Variants in SLC5A6 observed in about 807,000 individuals in gnomAD.
SLC5A6 encodes the protein solute carrier family 5 member 6.
SLC5A6 carries 31 observed loss-of-function variants against 67.9 expected under a neutral mutation model. The ratio of observed to expected loss-of-function variants is 0.46; its 90% CI spans 0.34 to 0.62. The LOEUF (loss-of-function observed/expected upper bound fraction) is 0.62. Ranked by LOEUF, SLC5A6 falls within the 20% of genes least tolerant of loss-of-function variation. SLC5A6 has a pLI of 0.01. For missense variants in SLC5A6, 673 were observed against 812.8 expected (o/e 0.83, Z 2.09); for synonymous variants, 343 against 331.0 (o/e 1.04, Z -0.39).
intron 2 of SLC5A6, among the ~76,000 whole-genome samples, chr2:27,209,007 C>T (rs1405674440): frequency 6.6e-6 from 1 of 152,198 alleles, no homozygotes; most frequent in East Asian, 1.9e-4. Context: ...CAAGAATACA[C>T]CACAATCCTC....
At chr2:27,210,593 G>A (rs898841370) in intron 2 of SLC5A6, among the ~76,000 whole-genome samples, 1 of 150,988 alleles carries the variant, frequency 6.6e-6, no homozygotes, top group Non-Finnish European at 1.5e-5. Flanking sequence ...ACCGCGCCCA[G>A]CTAATTTTTT....
intron 10 of SLC5A6, 48 bp from the exon 11 acceptor site, chr2:27,203,393 G>A (rs371761669): frequency 1.8e-4 from 279 of 1,521,954 alleles, no homozygotes; most frequent in Non-Finnish European, 2.3e-4. Flanking sequence ...AAAATTGTCA[G>A]CTCTATGGGA....
chr2:27,212,301 C>T, upstream of SLC5A6: 1 of 1,550,600 alleles, frequency 6.4e-7, no homozygotes, highest in South Asian at 1.2e-5. Flanking sequence ...GGAAGAGGGC[C>T]TGACGCGCTG....
At chr2:27,205,624 C>A in intron 6 of SLC5A6, 120 bp from the exon 7 acceptor site, 1 of 1,245,368 alleles carries the variant, frequency 8.0e-7, no homozygotes, top group Non-Finnish European at 1.2e-6. Flanking sequence ...CTTTTTGCAG[C>A]CTGAAGCCAG....
Position 27,204,611 on chromosome 2 carries a change from A to G in SLC5A6, c.876-21T>C, listed in dbSNP as rs552669421. ...AGGAGCTGCAAAAGAGGTCAGTGCC[A>G]GGAGGAGAGCCGGCGTTAACAGACA... On this transcript the variant is annotated intron_variant, in intron 8 of 16. Transcript: ENST00000310574. 3 of 1,613,310 alleles carry G rather than the reference A, an allele frequency of 1.9e-6. No homozygotes were observed. In the South Asian group the frequency reaches 3.3e-5, roughly 18 times the overall value.
rs1454400642 is a variant in SLC5A6 at position 27,201,741 on chromosome 2, C to T, written c.1469G>A (p.Gly490Glu). The stretch of plus-strand genomic sequence containing the variant: ...ATTGGTGGGCAGGGAGAAGCTGGAC[C>T]CATTAGAGGGAGAGGGTGGCATGCT... ...GSSMPPSPSN[G>E]SSFSLPTNLT... Residue 490 changes from glycine (G) to glutamate (E), a missense_variant, in exon 14 of 17, where the codon GGG (glycine) becomes GAG (glutamate). Physicochemically the swap from Gly to Glu is moderately conservative, Grantham distance 98. Transcript: ENST00000310574. 1.9e-6 allele frequency: 3 copies of T among 1,614,046 alleles called. No individual in the cohort carries two copies. Among genetic ancestry groups the T allele is most frequent in the Admixed American group, 3.3e-5 (2 of 60,010 alleles).
intron 2 of SLC5A6, among the ~76,000 whole-genome samples, chr2:27,210,756 A>G (rs958297566): frequency 6.6e-6 from 1 of 152,074 alleles, no homozygotes; most frequent in African/African-American, 2.4e-5. Flanking sequence ...GGGGTCCCAC[A>G]TCACTGCCTG....
chr2:27,211,965 G>GCCCCGC (rs1674553210), intron 1 of SLC5A6, 55 bp downstream of exon 1: 1 of 422,828 alleles, frequency 2.4e-6, no homozygotes, highest in African/African-American at 2.3e-5. Flanking sequence ...GCCCGCGGGG[G>GCCCCGC]CCCCGCCCCC....
intron 2 of SLC5A6, among the ~76,000 whole-genome samples, chr2:27,209,098 C>T (rs1317837574): frequency 3.3e-5 from 5 of 152,188 alleles, no homozygotes; most frequent in Non-Finnish European, 5.9e-5. Flanking sequence ...CCACCACTGA[C>T]GATTTCACAG....
intron 2 of SLC5A6, among the ~76,000 whole-genome samples, chr2:27,208,206 T>G (rs1674216245): frequency 6.6e-6 from 1 of 152,206 alleles, no homozygotes; most frequent in African/African-American, 2.4e-5. Context: ...TGGAGACTAA[T>G]GGCAGCAGGG....
chr2:27,203,693 C>T, intron 10 of SLC5A6, 86 bp downstream of exon 10: 1 of 994,006 alleles, frequency 1.0e-6, no homozygotes, highest in Non-Finnish European at 1.6e-6. Context: ...GGATTCCCCA[C>T]CCACTATCAC....
In SLC5A6 at chr2:27,207,118, G is replaced by T. The variant is rs1461679432; in HGVS notation, c.393+140C>A. ...CCCTATACCTAACATCACTGAGAAA[G>T]AATTATAAACACACAATGAGTTTTC... On this transcript the variant is annotated intron_variant, in intron 3 of 16. Coordinates refer to ENST00000310574, the MANE Select transcript of SLC5A6 (RefSeq NM_021095.4). The surrounding 1 kb of genome is among the most constrained non-coding windows in gnomAD (Gnocchi z 5.5). 9 of 1,097,598 alleles carry T rather than the reference G, an allele frequency of 8.2e-6. No homozygotes were observed. Among genetic ancestry groups the T allele is most frequent in the African/African-American group, 1.6e-5 (1 of 63,924 alleles). The allele number at this position is 1,097,598 out of a possible 1,614,324, so 68.0% of individuals were successfully genotyped here. A position where few individuals can be genotyped will look rare whatever the true frequency, so the allele number is the denominator to read the frequency against.
chr2:27,208,129 C>A (rs1483978544), intron 2 of SLC5A6, among the ~76,000 whole-genome samples: 1 of 152,212 alleles, frequency 6.6e-6, no homozygotes, highest in Non-Finnish European at 1.5e-5. Flanking sequence ...GGCACAGACC[C>A]AGTCACTACA....
chr2:27,202,204 A>G lies in SLC5A6; in HGVS notation c.1276-130T>C, dbSNP rs538915985. On this transcript the variant is annotated intron_variant, in intron 12 of 16. Coordinates refer to ENST00000310574, the MANE Select transcript of SLC5A6 (RefSeq NM_021095.4). ...TCAGATCTGTCTCTTCTGTGGGAAC[A>G]ATCAGAACTCCAGAGGTGGCCGAGC... 30 of 740,848 alleles carry G rather than the reference A, an allele frequency of 4.0e-5. No individual in the cohort carries two copies. In the African/African-American group the frequency reaches 4.7e-4, roughly 12 times the overall value. The allele number at this position is 740,848 out of a possible 1,614,324, so 45.9% of individuals were successfully genotyped here.
Position 27,201,399 on chromosome 2 carries a change from G to A in SLC5A6, c.1599C>T (p.His533=). The A allele has an allele frequency of 6.2e-7, 1 of 1,613,702 alleles. No individual in the cohort carries two copies. The highest frequency in any genetic ancestry group is 1.1e-5 in the South Asian group (1 of 91,058). Residue 533 remains histidine (H), a synonymous_variant, in exon 15 of 17, where the codon CAC becomes CAT. Coordinates refer to ENST00000310574, the MANE Select transcript of SLC5A6 (RefSeq NM_021095.4). ...YSLSYLWYSA[H]NSTTVIVVGL... ...CCACCACAATCACTGTGGTGGAGTT[G>A]TGAGCACTGTACCATAAGTAAGACA...
In SLC5A6 at chr2:27,207,264, G is replaced by T; in HGVS notation, c.387C>A (p.Ala129=). ...PVFYRLHLTS[A]YEYLELRFNK... ...CCCTTCTGTCCCTGCTCACCTCATA[G>T]GCACTGGTGAGATGCAGGCGGTAGA... The change falls in exon 3 of 17, where the codon GCC becomes GCA. Residue 129 remains alanine, a synonymous_variant. Transcript: ENST00000310574. The surrounding 1 kb of genome is among the most constrained non-coding windows in gnomAD (Gnocchi z 5.5). 6.2e-7 allele frequency: 1 copy of T among 1,613,804 alleles called. No homozygotes were observed. Among genetic ancestry groups the T allele is most frequent in the African/African-American group, 1.3e-5 (1 of 75,026 alleles).
chr2:27,203,445 G>C lies in SLC5A6; in HGVS notation c.1095-100C>G. On this transcript the variant is annotated intron_variant, in intron 10 of 16. Transcript: ENST00000310574. ...GTGTCCTAAAGCGGGGAGATGACAG[G>C]TACCACCAAGAAACCTCCTCATAGT... 3.9e-6 allele frequency: 4 copies of C among 1,029,158 alleles called. No individual in the cohort carries two copies. The Admixed American group carries it at 7.0e-5, about 18-fold the overall frequency. 63.8% of individuals were successfully genotyped at this position (1,029,158 alleles called of 1,614,324 possible). A position where few individuals can be genotyped will look rare whatever the true frequency, so the allele number is the denominator to read the frequency against.
intron 1 of SLC5A6, 145 bp downstream of exon 1, chr2:27,211,875 A>C (rs1674534829): frequency 9.2e-6 from 2 of 216,710 alleles, no homozygotes; most frequent in East Asian, 1.2e-4. Context: ...GCCTCTCGGC[A>C]CCGGCTCACG....
At chr2:27,208,793 T>C (rs1674262819) in intron 2 of SLC5A6, 1 of 152,586 alleles carries the variant, frequency 6.6e-6, no homozygotes, top group Non-Finnish European at 1.5e-5. Context: ...TATCACCCTA[T>C]GGCCCCCAAA....
Sources: gnomAD v4.1 joint callset for allele counts (sites outside exome capture counted in the v4.1 genomes callset) on GRCh38, gnomAD v4.1.1 for gene constraint, Gnocchi (gnomAD v3.1) non-coding constraint, MANE v1.5 for transcripts, NCBI Gene and HGNC (gene_info 2026-07-23, HGNC 2026-07-21) for gene names.